Variants in SCN10A observed in about 807,000 individuals in gnomAD.
SCN10A encodes the protein sodium voltage-gated channel alpha subunit 10, also known as sodium channel protein type 10 subunit alpha.
Under a neutral mutation model 170.7 loss-of-function variants are expected in SCN10A, and 162 were observed. That is an observed-to-expected ratio of 0.95 (90% CI 0.84 to 1.08). SCN10A has a LOEUF of 1.08. Among genes scored for constraint, SCN10A ranks in the 50% least tolerant of loss-of-function variants. SCN10A has a pLI of 0.00. For synonymous variants in SCN10A, 985 were observed against 904.6 expected (o/e 1.09, Z -1.59); for missense variants, 2,527 against 2,436.9 (o/e 1.04, Z -0.78).
At chr3:38,762,795 G>A (rs184474289) in intron 6 of SCN10A, among the ~76,000 whole-genome samples, 37 of 152,180 alleles carry the variant, frequency 2.4e-4, no homozygotes, top group African/African-American at 8.4e-4. Context: ...ACTCTAGAAT[G>A]GGTGTTTCTG....
At chr3:38,733,236 C>T (rs2126006815) in intron 15 of SCN10A, among the ~76,000 whole-genome samples, 1 of 152,234 alleles carries the variant, frequency 6.6e-6, no homozygotes, top group African/African-American at 2.4e-5. Context: ...CATTTTCCCA[C>T]AAGCAGGAGG....
intron 13 of SCN10A, among the ~76,000 whole-genome samples, chr3:38,748,509 T>G (rs2063715302): frequency 6.6e-6 from 1 of 152,334 alleles, no homozygotes; most frequent in Non-Finnish European, 1.5e-5. Flanking sequence ...TGTCTGAGTT[T>G]TGTAGGGCTC....
At chr3:38,730,075 G>T (rs2063499247) in intron 15 of SCN10A, among the ~76,000 whole-genome samples, 1 of 152,194 alleles carries the variant, frequency 6.6e-6, no homozygotes, top group Admixed American at 6.5e-5. Flanking sequence ...TTAGTAACTA[G>T]TATGGGGAGC....
At position 38,697,881 on chromosome 3, in the gene SCN10A, G is replaced by A. The variant is rs770288343; in HGVS notation, c.5339C>T (p.Pro1780Leu). Residue 1780 changes from proline (P) to leucine (L), a missense_variant, in exon 28 of 28, where the codon CCC becomes CTC. Physicochemically the swap from Pro to Leu is moderately conservative, Grantham distance 98. Coordinates refer to ENST00000449082, the MANE Select transcript of SCN10A (RefSeq NM_006514.4). ...CATCTGGATCAGTATATTTCGATTG[G>A]GTTTTGGGATTCTCAGGGGACCAGA... ...TLSGPLRIPK[P>L]NRNILIQMDL... 1.2e-6 allele frequency: 2 copies of A among 1,613,906 alleles called. No individual in the cohort carries two copies. Among genetic ancestry groups the A allele is most frequent in the African/African-American group, 1.3e-5 (1 of 74,864 alleles).
chr3:38,792,010 T>C (rs763919951), intron 3 of SCN10A, 40 bp downstream of exon 3: 4 of 1,609,722 alleles, frequency 2.5e-6, no homozygotes, highest in African/African-American at 1.3e-5. Flanking sequence ...AGGCAAGGTC[T>C]AATTGTAACA....
At chr3:38,786,404 C>T (rs2064202586) in intron 4 of SCN10A, among the ~76,000 whole-genome samples, 1 of 152,034 alleles carries the variant, frequency 6.6e-6, no homozygotes. Flanking sequence ...CGCATGTTCT[C>T]ACTCATAGGT....
intron 3 of SCN10A, among the ~76,000 whole-genome samples, chr3:38,790,557 C>A (rs2064268379): frequency 6.6e-6 from 1 of 151,714 alleles, no homozygotes; most frequent in Non-Finnish European, 1.5e-5. Flanking sequence ...TTTGTGATTT[C>A]TCTTTATTTG....
At chr3:38,699,348 T>C (rs2063133596) in intron 27 of SCN10A, among the ~76,000 whole-genome samples, 1 of 152,104 alleles carries the variant, frequency 6.6e-6, no homozygotes, top group Non-Finnish European at 1.5e-5. Context: ...CTCTATATGA[T>C]GTCTAACTTG....
intron 4 of SCN10A, among the ~76,000 whole-genome samples, chr3:38,787,671 C>G (rs915853348): frequency 6.6e-6 from 1 of 151,800 alleles, no homozygotes; most frequent in Non-Finnish European, 1.5e-5. Context: ...TGATGCAATC[C>G]CCTTTTTAAA....
intron 13 of SCN10A, among the ~76,000 whole-genome samples, chr3:38,748,521 A>G (rs772637938): frequency 5.3e-5 from 8 of 152,180 alleles, no homozygotes; most frequent in Non-Finnish European, 1.2e-4. Flanking sequence ...GTAGGGCTCA[A>G]ACCTGGAGGA....
chr3:38,705,135 C>T (rs975637447), intron 26 of SCN10A, among the ~76,000 whole-genome samples: 1 of 152,196 alleles, frequency 6.6e-6, no homozygotes, highest in Non-Finnish European at 1.5e-5. Context: ...TGCTTGGACT[C>T]TGCTTTGTGC....
intron 13 of SCN10A, among the ~76,000 whole-genome samples, chr3:38,745,114 A>G (rs761883445): frequency 3.3e-5 from 5 of 152,230 alleles, no homozygotes; most frequent in Non-Finnish European, 7.3e-5. Flanking sequence ...GGAAGCAGCC[A>G]CCTGTGAGGC....
chr3:38,709,632 G>T lies in SCN10A; in HGVS notation c.4144-17C>A. ...CATGTTGACCTGTGACCAGACAAGG[G>T]AGAGTGGGAAGGAGGGTGGGTGTCT... is the stretch of plus-strand genomic sequence containing the variant. On this transcript the variant is annotated splice_polypyrimidine_tract_variant and intron_variant, in intron 24 of 27. Coordinates refer to ENST00000449082, the MANE Select transcript of SCN10A (RefSeq NM_006514.4). The T allele has an allele frequency of 3.2e-6, 5 of 1,577,064 alleles. No homozygotes were observed. The highest frequency in any genetic ancestry group is 4.3e-6 in the Non-Finnish European group (5 of 1,160,690).
intron 14 of SCN10A, among the ~76,000 whole-genome samples, 163 bp downstream of exon 14, chr3:38,742,128 C>CTGT (rs910389737): frequency 6.6e-6 from 1 of 152,180 alleles, no homozygotes; most frequent in African/African-American, 2.4e-5. Flanking sequence ...ACCTCCTGAA[C>CTGT]CCAGTGTCCA....
Position 38,793,607 on chromosome 3 carries a change from T to TA in SCN10A, c.270+133_270+134insT, listed in dbSNP as rs200798617. The TA allele has an allele frequency of 5.5e-3, 3,674 of 673,820 alleles. 24 individuals carry two copies. Among genetic ancestry groups the TA allele is most frequent in the Non-Finnish European group, 7.2e-3 (2,868 of 398,006 alleles). 41.7% of individuals were successfully genotyped at this position (673,820 alleles called of 1,614,324 possible). A position where few individuals can be genotyped will look rare whatever the true frequency, so the allele number is the denominator to read the frequency against. On this transcript the variant is annotated intron_variant, in intron 2 of 27. Transcript: ENST00000449082. The stretch of plus-strand genomic sequence containing the variant: ...AATAAGTTAGAGATATATATATATA[T>TA]TTTTTTTGGTTGTTAACGGAATCTT...
chr3:38,760,609 C>T (rs1393112423), intron 8 of SCN10A, 72 bp downstream of exon 8: 1 of 1,194,050 alleles, frequency 8.4e-7, no homozygotes, highest in Non-Finnish European at 1.3e-6. Context: ...CATCTGTGCC[C>T]ATAATATGCC....
At chr3:38,770,749 C>T (rs1212517655) in intron 5 of SCN10A, among the ~76,000 whole-genome samples, 1 of 152,116 alleles carries the variant, frequency 6.6e-6, no homozygotes. Context: ...GAAATTATTA[C>T]TAATTTTAGT....
chr3:38,756,956 C>T lies in SCN10A; in HGVS notation c.1092+62G>A, dbSNP rs1006946358. ...AAGTCAGCCTCCTCCAGGAAAAGCA[C>T]AGCCATGCAGCTGACCCACCAGCCT... On this transcript the variant is annotated intron_variant, in intron 9 of 27. Transcript: ENST00000449082. The T allele has an allele frequency of 3.1e-6, 5 of 1,604,320 alleles. No homozygotes were observed. In the East Asian group the frequency reaches 6.7e-5, roughly 21 times the overall value.
At chr3:38,756,028 C>A in intron 10 of SCN10A, 70 bp from the exon 11 acceptor site, 1 of 1,532,100 alleles carries the variant, frequency 6.5e-7, no homozygotes, top group South Asian at 1.1e-5. Flanking sequence ...GTCCCCCAGA[C>A]ATGGGGTGCC....
Sources: allele counts gnomAD v4.1 joint callset (sites outside exome capture counted in the v4.1 genomes callset), GRCh38; gene constraint gnomAD v4.1.1; transcripts MANE v1.5; gene names NCBI Gene and HGNC (gene_info 2026-07-23, HGNC 2026-07-21).